ZNF844: variants seen among roughly 807,000 people sequenced by gnomAD.
ZNF844 encodes zinc finger protein 844.
A neutral mutation model predicts 11.4 loss-of-function variants in ZNF844; 11 were observed. The ratio of observed to expected loss-of-function variants is 0.97; its 90% CI spans 0.61 to 1.60. The LOEUF (loss-of-function observed/expected upper bound fraction) is 1.60. Among genes scored for constraint, ZNF844 ranks in the 40% most tolerant of loss-of-function variants. The pLI is 0.00. For synonymous variants in ZNF844, 248 were observed against 260.3 expected, an observed-to-expected ratio of 0.95 and a Z score of 0.46; for missense variants, 790 against 796.8, an observed-to-expected ratio of 0.99 and a Z score of 0.10.
chr19:12,077,226 T>C lies in ZNF844; in HGVS notation c.*105T>C, dbSNP rs965793185. The C allele has an allele frequency of 6.3e-6, 10 of 1,580,016 alleles. No individual in the cohort carries two copies. In the African/African-American group the frequency reaches 1.1e-4, roughly 17 times the overall value. On this transcript the variant is annotated 3_prime_UTR_variant, in exon 4 of 4. Coordinates refer to ENST00000439326, the MANE Select transcript of ZNF844 (RefSeq NM_001136501.3). ...AGAGAAACCCTATGAGTGTAAGCAGTGTGGTAAAGCCTTCATTTCTTCCAC... is the reference window on the plus strand; with the variant it reads ...AGAGAAACCCTATGAGTGTAAGCAGCGTGGTAAAGCCTTCATTTCTTCCAC...
intron 1 of ZNF844, among the ~76,000 whole-genome samples, chr19:12,065,465 G>A (rs1975677780): frequency 6.6e-6 from 1 of 152,004 alleles, no homozygotes; most frequent in Admixed American, 6.6e-5. Context: ...AATCGCCTGA[G>A]GGGTTCTTCC....
rs1207556000 is a variant in ZNF844, at chr19:12,080,193, C to T, written c.*3072C>T. On this transcript the variant is annotated 3_prime_UTR_variant, in exon 4 of 4. Transcript: ENST00000439326. ...GAAACCCCGTCTCTACTAAAAAATA[C>T]AAAAAAACTAGCTGGGCGTGGTGGT... The T allele has an allele frequency of 5.1e-6, 1 of 195,514 alleles. No homozygotes were observed. Among genetic ancestry groups the T allele is most frequent in the Non-Finnish European group, 1.1e-5 (1 of 95,040 alleles). 12.1% of individuals were successfully genotyped at this position (195,514 alleles called of 1,614,324 possible). A position where few individuals can be genotyped will look rare whatever the true frequency, so the allele number is the denominator to read the frequency against.
At position 12,077,587 on chromosome 19, in the gene ZNF844, C is replaced by A; in HGVS notation, c.*466C>A. The A allele has an allele frequency of 1.7e-6, 1 of 574,216 alleles. No homozygotes were observed. 35.6% of individuals were successfully genotyped at this position (574,216 alleles called of 1,614,324 possible). A position where few individuals can be genotyped will look rare whatever the true frequency, so the allele number is the denominator to read the frequency against. On this transcript the variant is annotated 3_prime_UTR_variant, in exon 4 of 4. Coordinates refer to ENST00000439326, the MANE Select transcript of ZNF844 (RefSeq NM_001136501.3). Reference sequence around the variant, plus strand: ...TGTGGTAAAGCCTTCAGATCTGCCACTCAACTTCAGATGCATAGAAAGATT... The same window carrying A: ...TGTGGTAAAGCCTTCAGATCTGCCAATCAACTTCAGATGCATAGAAAGATT...
intron 1 of ZNF844, among the ~76,000 whole-genome samples, chr19:12,070,678 A>C (rs1406454361): frequency 6.6e-6 from 1 of 152,222 alleles, no homozygotes; most frequent in Non-Finnish European, 1.5e-5. Context: ...AAGAGAGATT[A>C]CACTGAAAAC....
intron 1 of ZNF844, among the ~76,000 whole-genome samples, chr19:12,071,280 A>T (rs1975750161): frequency 6.6e-6 from 1 of 152,212 alleles, no homozygotes; most frequent in Non-Finnish European, 1.5e-5. Flanking sequence ...AGTGGTGGGT[A>T]TATTCAACCC....
At chr19:12,065,006 C>A (rs1445069462) in intron 1 of ZNF844, 130 bp downstream of exon 1, 2 of 1,009,398 alleles carry the variant, frequency 2.0e-6, no homozygotes, top group African/African-American at 1.7e-5. Flanking sequence ...GGGGCCCGAG[C>A]CCCGCTGGCG....
At chr19:12,067,607 CAAAAAAAAA>C (rs772282496) in intron 1 of ZNF844, among the ~76,000 whole-genome samples, 4 of 37,432 alleles carry the variant, frequency 1.1e-4, no homozygotes, top group Non-Finnish European at 1.3e-4. Context: ...AACTCTGTCT[CAAAAAAAAA>C]AAAAAAAAAA....
rs997290344 is a variant in ZNF844 at position 12,077,729 on chromosome 19, A to G, written c.*608A>G. The G allele has an allele frequency of 4.9e-6, 2 of 412,064 alleles. No individual in the cohort carries two copies. The highest frequency in any genetic ancestry group is 4.2e-5 in the African/African-American group (2 of 48,086). 25.5% of individuals were successfully genotyped at this position (412,064 alleles called of 1,614,324 possible). ...TAGAGCAACCCTATGAATATAAGCAATATGGGAAAGCCTTCAGATTTGCTA... is the reference window on the plus strand; with the variant it reads ...TAGAGCAACCCTATGAATATAAGCAGTATGGGAAAGCCTTCAGATTTGCTA... On this transcript the variant is annotated 3_prime_UTR_variant, in exon 4 of 4. Transcript: ENST00000439326.
Position 12,074,353 on chromosome 19 carries a change from T to G in ZNF844, c.131-8T>G. 1 of 1,521,888 alleles carries G rather than the reference T, an allele frequency of 6.6e-7. No homozygotes were observed. The highest frequency in any genetic ancestry group is 8.8e-7 in the Non-Finnish European group (1 of 1,135,348). The allele number at this position is 1,521,888 out of a possible 1,614,324, so 94.3% of individuals were successfully genotyped here. On this transcript the variant is annotated splice_region_variant and splice_polypyrimidine_tract_variant and intron_variant, in intron 2 of 3. Coordinates refer to ENST00000439326, the MANE Select transcript of ZNF844 (RefSeq NM_001136501.3). ...ATTCAGGATTCTTTTTCTGATTCTG[T>G]ATTTTAGGAGAAAAATGGAAAGACC...
chr19:12,075,048 T>C (rs1975791824), intron 3 of ZNF844, among the ~76,000 whole-genome samples: 1 of 152,092 alleles, frequency 6.6e-6, no homozygotes, highest in Non-Finnish European at 1.5e-5. Context: ...TCCTGGATAA[T>C]GTTGAAAGTG....
chr19:12,070,710 G>C (rs1421797607), intron 1 of ZNF844, among the ~76,000 whole-genome samples: 2 of 152,106 alleles, frequency 1.3e-5, no homozygotes, highest in East Asian at 3.8e-4. Flanking sequence ...TTCAAGGAAG[G>C]TTTTATTCAG....
At chr19:12,068,890 A>G (rs1192902433) in intron 1 of ZNF844, among the ~76,000 whole-genome samples, 2 of 152,116 alleles carry the variant, frequency 1.3e-5, no homozygotes, top group Non-Finnish European at 2.9e-5. Flanking sequence ...GCTAAGGTCA[A>G]TCAGAAGCCT....
At chr19:12,067,966 A>AGGAAGGAAGGAAGGAG (rs1975711223) in intron 1 of ZNF844, among the ~76,000 whole-genome samples, 1 of 145,004 alleles carries the variant, frequency 6.9e-6, no homozygotes, top group Non-Finnish European at 1.5e-5. Flanking sequence ...GAAAGAAGGA[A>AGGAAGGAAGGAAGGAG]GGAAGGAAGG....
intron 1 of ZNF844, among the ~76,000 whole-genome samples, chr19:12,067,388 A>G (rs573936095): frequency 1.4e-5 from 2 of 145,274 alleles, no homozygotes; most frequent in Admixed American, 6.9e-5. Context: ...GGGTCGGGCA[A>G]TCACCTGAGA....
Position 12,076,652 on chromosome 19 carries a change from A to C in ZNF844, c.1532A>C (p.Lys511Thr), listed in dbSNP as rs754992769. The change falls in exon 4 of 4, where the codon AAG becomes ACG. Residue 511 changes from lysine to threonine, a missense_variant. By Grantham distance (78) the Lys-to-Thr change is moderately conservative. Around this residue, in one of 3 missense-constraint regions of ZNF844, gnomAD observed 657 missense variants for 636.2 expected, o/e 1.03. Transcript: ENST00000439326. ...RNPMSVSNVG[K>T]PSHLPHTFKC... ...CCTATGAGTGTAAGCAATGTGGGAAAGCCTTCACATCTGCCTCACACCTTC... is the reference window on the plus strand; with the variant it reads ...CCTATGAGTGTAAGCAATGTGGGAACGCCTTCACATCTGCCTCACACCTTC... 6.2e-7 allele frequency: 1 copy of C among 1,614,114 alleles called. No homozygotes were observed. Among genetic ancestry groups the C allele is most frequent in the Admixed American group, 1.7e-5 (1 of 60,012 alleles).
chr19:12,073,939 C>T (rs1975778614), intron 1 of ZNF844, 92 bp from the exon 2 acceptor site: 2 of 1,480,422 alleles, frequency 1.4e-6, no homozygotes, highest in Admixed American at 2.3e-5. Flanking sequence ...GTTTGGAGTC[C>T]ACAGCATCAT....
rs184416697 is a variant in ZNF844 at position 12,075,445 on chromosome 19, G to A, written c.325G>A (p.Gly109Arg). The change falls in exon 4 of 4, where the codon GGA (glycine) becomes AGA (arginine). Residue 109 changes from glycine (G) to arginine (R), a missense_variant. Transcript: ENST00000439326. ...AAAATCATGTGAAAGCAGTGTGTGT[G>A]GAGAAGTCTTCGTGGGTCATTCTTC... ...GVKSCESSVC[G>R]EVFVGHSSLN... 2.5e-6 allele frequency: 4 copies of A among 1,612,764 alleles called. No individual in the cohort carries two copies. Among genetic ancestry groups the A allele is most frequent in the African/African-American group, 2.7e-5 (2 of 75,008 alleles).
rs547920096 is a variant in ZNF844, at chr19:12,071,662, A to G, written c.4-2369A>G. Among the ~76,000 whole-genome samples the G allele has an allele frequency of 2.0e-5, 3 of 149,098 alleles. No individual in the cohort carries two copies. In the South Asian group the frequency reaches 6.3e-4, roughly 31 times the overall value. On this transcript the variant is annotated intron_variant, in intron 1 of 3. Transcript: ENST00000439326. ...TTTTCATATATCTTGCAGGAATGTC[A>G]TTCAGATACTTTCCCTATCTTTCAA...
At chr19:12,070,360 C>T (rs988289335) in intron 1 of ZNF844, 1 of 152,188 alleles carries the variant, frequency 6.6e-6, no homozygotes, top group African/African-American at 2.4e-5. Flanking sequence ...TCTTCTTCTT[C>T]ACATAGGATG....
Sources: allele counts gnomAD v4.1 joint callset (sites outside exome capture counted in the v4.1 genomes callset), GRCh38; gene constraint gnomAD v4.1.1; regional missense constraint gnomAD v4.1.1; transcripts MANE v1.5; gene names NCBI Gene and HGNC (gene_info 2026-07-23, HGNC 2026-07-21).